Variants in DERA observed in about 807,000 individuals in gnomAD.
The protein encoded by DERA is deoxyribose-phosphate aldolase.
DERA carries 15 observed loss-of-function variants against 41.1 expected under a neutral mutation model. The observed-to-expected ratio is 0.37, with a 90% confidence interval of 0.24 to 0.56. The LOEUF (loss-of-function observed/expected upper bound fraction) is 0.56, where lower values mean the gene tolerates loss of function less well. Ranked by LOEUF, DERA falls within the 20% of genes least tolerant of loss-of-function variation. DERA has a pLI of 0.81. For missense variants in DERA, 396 were observed against 403.4 expected, an observed-to-expected ratio of 0.98 and a Z score of 0.16; for synonymous variants, 139 against 137.4, an observed-to-expected ratio of 1.01 and a Z score of -0.08.
rs1948859687 is a variant in DERA at position 15,999,325 on chromosome 12, G to A, written c.637+16889G>A. ...GAGAGAGTAAAGTAAGCATGACATA[G>A]TTCCTGGCCTTAAAAAAGTGACATT... On this transcript the variant is annotated intron_variant, in intron 6 of 8. Coordinates refer to ENST00000428559, the MANE Select transcript of DERA (RefSeq NM_015954.4). The surrounding 1 kb of genome is among the most constrained non-coding windows in gnomAD (Gnocchi z 5.3). 6.6e-6 allele frequency among the ~76,000 whole-genome samples: 1 copy of A among 152,228 alleles called. No individual in the cohort carries two copies. The highest frequency in any genetic ancestry group is 2.4e-5 in the African/African-American group (1 of 41,456).
Position 15,996,157 on chromosome 12 carries a change from ATGTGTGTGTGTGTG to A in DERA, c.637+13743_637+13756del, listed in dbSNP as rs34468299. Among the ~76,000 whole-genome samples, 9,115 of 145,104 alleles carry A rather than the reference ATGTGTGTGTGTGTG, an allele frequency of 0.063. 891 individuals carry two copies. Among genetic ancestry groups the A allele is most frequent in the African/African-American group, 0.21 (8,413 of 39,562 alleles). ...GCAGACACAGACACACACACAGAGCATGTGTGTGTGTGTGTGTGTGTGTGTGTGTGTGTGTAATT... is the reference window on the plus strand; with the variant it reads ...GCAGACACAGACACACACACAGAGCATGTGTGTGTGTGTGTGTGTGTAATT... On this transcript the variant is annotated intron_variant, in intron 6 of 8. Transcript: ENST00000428559. The surrounding 1 kb of genome is among the most constrained non-coding windows in gnomAD (Gnocchi z 4.7).
At chr12:15,939,887 G>T (rs1948396995) in intron 1 of DERA, among the ~76,000 whole-genome samples, 1 of 152,160 alleles carries the variant, frequency 6.6e-6, no homozygotes, top group Non-Finnish European at 1.5e-5. Context: ...TTTATTCTGT[G>T]TATAAATAAA....
chr12:16,016,601 A>G (rs1948983597), intron 6 of DERA, among the ~76,000 whole-genome samples: 1 of 151,932 alleles, frequency 6.6e-6, no homozygotes, highest in Admixed American at 6.6e-5. Flanking sequence ...GGAGTTCGAG[A>G]CCAGCCCAGA....
chr12:15,920,834 C>T lies in DERA; in HGVS notation c.31+9420C>T, dbSNP rs77301472. On this transcript the variant is annotated intron_variant, in intron 1 of 8. Coordinates refer to ENST00000428559, the MANE Select transcript of DERA (RefSeq NM_015954.4). ...TGGTGATACATCCGGAGCGAGACTC[C>T]GTCTCAAAAATACCCCCCCCAAAAA... Among the ~76,000 whole-genome samples, 865 of 152,134 alleles carry T rather than the reference C, an allele frequency of 5.7e-3. 9 individuals are homozygous for T. The highest frequency in any genetic ancestry group is 0.02 in the African/African-American group (818 of 41,470).
rs530736093 is a variant in DERA, at chr12:15,973,683, C to G, written c.509-8625C>G. On this transcript the variant is annotated intron_variant, in intron 5 of 8. Transcript: ENST00000428559. ...AAATGATTGAATACATTTTTTATGT[C>G]CATGTGATGGAATATTGTGCAGCCA... 4.3e-4 allele frequency among the ~76,000 whole-genome samples: 66 copies of G among 152,056 alleles called. 1 individual carries two copies. Among genetic ancestry groups the G allele is most frequent in the Middle Eastern group, 6.8e-3 (2 of 294 alleles).
intron 6 of DERA, among the ~76,000 whole-genome samples, chr12:15,987,880 G>A (rs1317287022): frequency 6.6e-6 from 1 of 152,148 alleles, no homozygotes; most frequent in Non-Finnish European, 1.5e-5. Context: ...AGCTGCCAAG[G>A]GCAAGCCAGG....
rs1168970643 is a variant in DERA, at chr12:16,026,997, G to A, written c.638-5545G>A. Among the ~76,000 whole-genome samples, 1 of 152,106 alleles carries A rather than the reference G, an allele frequency of 6.6e-6. No homozygotes were observed. The highest frequency in any genetic ancestry group is 1.5e-5 in the Non-Finnish European group (1 of 68,008). Reference sequence around the variant, plus strand: ...GATTTATTCCAGGTATGCAAGTCTGGTTCAACATAATGTAATCCATATCAG... The same window carrying A: ...GATTTATTCCAGGTATGCAAGTCTGATTCAACATAATGTAATCCATATCAG... On this transcript the variant is annotated intron_variant, in intron 6 of 8. Coordinates refer to ENST00000428559, the MANE Select transcript of DERA (RefSeq NM_015954.4). This position sits in a 1 kb window ranked among gnomAD's most constrained non-coding sequence, Gnocchi z 4.4.
In DERA at chr12:15,956,416, A is replaced by T. The variant is rs530026071; in HGVS notation, c.32-520A>T. Among the ~76,000 whole-genome samples, 20 of 152,236 alleles carry T rather than the reference A, an allele frequency of 1.3e-4. No individual in the cohort carries two copies. The South Asian group carries it at 3.9e-3, about 30-fold the overall frequency. On this transcript the variant is annotated intron_variant, in intron 1 of 8. Coordinates refer to ENST00000428559, the MANE Select transcript of DERA (RefSeq NM_015954.4). Reference sequence around the variant, plus strand: ...TGTTATTTCTAATACATTTTGAAAAATTTTTCTTTGAAGAAAGAATGGGCT... The same window carrying T: ...TGTTATTTCTAATACATTTTGAAAATTTTTTCTTTGAAGAAAGAATGGGCT...
rs1948853826 is a variant in DERA at position 15,998,435 on chromosome 12, A to T, written c.637+15999A>T. Among the ~76,000 whole-genome samples, 1 of 152,090 alleles carries T rather than the reference A, an allele frequency of 6.6e-6. No individual in the cohort carries two copies. Among genetic ancestry groups the T allele is most frequent in the African/African-American group, 2.4e-5 (1 of 41,400 alleles). On this transcript the variant is annotated intron_variant, in intron 6 of 8. Transcript: ENST00000428559. This position sits in a 1 kb window ranked among gnomAD's most constrained non-coding sequence, Gnocchi z 4.8. The stretch of plus-strand genomic sequence containing the variant: ...CGGGTTCAAGCAGTTCTCCCGCCTC[A>T]GCCTCCCGAGTAGCTGAGATTACAG...
intron 1 of DERA, among the ~76,000 whole-genome samples, chr12:15,950,326 C>A (rs1407840007): frequency 2.0e-5 from 3 of 152,180 alleles, no homozygotes; most frequent in African/African-American, 7.2e-5. Flanking sequence ...TATAGGGTAA[C>A]TTCCTGATGT....
At chr12:15,933,671 G>A (rs115076413) in intron 1 of DERA, among the ~76,000 whole-genome samples, 2,461 of 152,182 alleles carry the variant, frequency 0.016, 71 homozygotes, top group African/African-American at 0.057. Flanking sequence ...CGTTGTTACT[G>A]TTTTGGAAAC....
Position 15,970,495 on chromosome 12 carries a change from G to A in DERA, c.508+7548G>A, listed in dbSNP as rs1001261579. On this transcript the variant is annotated intron_variant, in intron 5 of 8. Transcript: ENST00000428559. The surrounding 1 kb of genome is among the most constrained non-coding windows in gnomAD (Gnocchi z 4.3). ...GCCGCTTCAAAATTGAGAAGATACC[G>A]TCCTTTCAGGTGGATCCTAGAGAGA... Among the ~76,000 whole-genome samples the A allele has an allele frequency of 6.6e-5, 10 of 152,040 alleles. No individual in the cohort carries two copies. Among genetic ancestry groups the A allele is most frequent in the Non-Finnish European group, 7.4e-5 (5 of 68,004 alleles).
At chr12:15,926,595 G>C (rs1375241111) in intron 1 of DERA, among the ~76,000 whole-genome samples, 1 of 152,032 alleles carries the variant, frequency 6.6e-6, no homozygotes, top group African/African-American at 2.4e-5. Context: ...AATTAGCCGG[G>C]CGTGGTGGCG....
At chr12:15,973,800 C>A (rs910769003) in intron 5 of DERA, among the ~76,000 whole-genome samples, 1 of 151,878 alleles carries the variant, frequency 6.6e-6, no homozygotes, top group African/African-American at 2.4e-5. Context: ...ATAATATGTA[C>A]CATATGTAAT....
chr12:16,006,529 C>G (rs187727515), intron 6 of DERA, among the ~76,000 whole-genome samples: 1 of 152,374 alleles, frequency 6.6e-6, no homozygotes, highest in East Asian at 1.9e-4. Context: ...CACTTGGCCC[C>G]TCCAGCCCTG....
intron 1 of DERA, among the ~76,000 whole-genome samples, chr12:15,955,398 C>T (rs560324926): frequency 2.0e-5 from 3 of 152,012 alleles, no homozygotes; most frequent in Admixed American, 1.3e-4. Flanking sequence ...CTGATTTTCT[C>T]GGGCTCTGCT....
rs1948838739 is a variant in DERA, at chr12:15,996,456, A to G, written c.637+14020A>G. On this transcript the variant is annotated intron_variant, in intron 6 of 8. Coordinates refer to ENST00000428559, the MANE Select transcript of DERA (RefSeq NM_015954.4). This position sits in a 1 kb window ranked among gnomAD's most constrained non-coding sequence, Gnocchi z 4.7. ...CTGGTGTTTGCCAGCAATGCTTGAC[A>G]TACCTTGGCTTCACTCCAGTCTCTG... Among the ~76,000 whole-genome samples the G allele has an allele frequency of 6.6e-6, 1 of 152,022 alleles. No individual in the cohort carries two copies. The highest frequency in any genetic ancestry group is 1.5e-5 in the Non-Finnish European group (1 of 68,002).
rs933409006 is a variant in DERA, at chr12:16,000,645, A to G, written c.637+18209A>G. Among the ~76,000 whole-genome samples the G allele has an allele frequency of 6.6e-5, 10 of 152,236 alleles. No individual in the cohort carries two copies. The highest frequency in any genetic ancestry group is 1.9e-4 in the East Asian group (1 of 5,194). Reference sequence around the variant, plus strand: ...CAACGGAGGAGGAACTGAATAGTCAATGAAATTGGAAAGAATTTAGATCAT... The same window carrying G: ...CAACGGAGGAGGAACTGAATAGTCAGTGAAATTGGAAAGAATTTAGATCAT... On this transcript the variant is annotated intron_variant, in intron 6 of 8. Transcript: ENST00000428559. This position sits in a 1 kb window ranked among gnomAD's most constrained non-coding sequence, Gnocchi z 4.8.
rs1466171545 is a variant in DERA, at chr12:15,970,569, G to A, written c.508+7622G>A. Among the ~76,000 whole-genome samples the A allele has an allele frequency of 6.6e-6, 1 of 151,690 alleles. No individual in the cohort carries two copies. The highest frequency in any genetic ancestry group is 6.6e-5 in the Admixed American group (1 of 15,244). On this transcript the variant is annotated intron_variant, in intron 5 of 8. Transcript: ENST00000428559. The surrounding 1 kb of genome is among the most constrained non-coding windows in gnomAD (Gnocchi z 4.3). The stretch of plus-strand genomic sequence containing the variant: ...TTTATAAGTGTTTTTAGCTTTTTGA[G>A]GGTTTTTAAATTTTCATTTCTTTTT...
Sources: allele counts gnomAD v4.1 joint callset (sites outside exome capture counted in the v4.1 genomes callset), GRCh38; gene constraint gnomAD v4.1.1; non-coding constraint Gnocchi (gnomAD v3.1); transcripts MANE v1.5; gene names NCBI Gene and HGNC (gene_info 2026-07-23, HGNC 2026-07-21).